The following NCAM1 variants were observed in gnomAD, a reference collection of about 807,000 sequenced individuals.
NCAM1 encodes neural cell adhesion molecule 1.
A neutral mutation model predicts 109.8 loss-of-function variants in NCAM1; 14 were observed. The observed-to-expected ratio is 0.13, with a 90% CI of 0.08 to 0.20. The LOEUF is 0.20. Among genes scored for constraint, NCAM1 ranks in the 10% least tolerant of loss-of-function variants. The probability of loss-of-function intolerance (pLI) is 1.00; values close to 1 mark genes in which losing one functional copy is unlikely to be tolerated. For missense variants in NCAM1, 774 were observed against 1,109.9 expected (o/e 0.70, Z 4.30); for synonymous variants, 418 against 442.9 (o/e 0.94, Z 0.70).
chr11:113,139,961 A>G (rs1941754178), intron 1 of NCAM1, among the ~76,000 whole-genome samples: 1 of 152,234 alleles, frequency 6.6e-6, no homozygotes, highest in African/African-American at 2.4e-5. Flanking sequence ...AACATCTTAG[A>G]GTTAGAAATT....
Position 113,233,422 on chromosome 11 carries a change from C to A in NCAM1, c.1693+105C>A. ...TGTTCCTACAGAATCAGGAACTGCACCTCCAGAATTAGGTCAAAGTCATAT... is the reference window on the plus strand; with the variant it reads ...TGTTCCTACAGAATCAGGAACTGCAACTCCAGAATTAGGTCAAAGTCATAT... On this transcript the variant is annotated intron_variant, in intron 13 of 19. Transcript: ENST00000316851. The surrounding 1 kb of genome is among the most constrained non-coding windows in gnomAD (Gnocchi z 4.5). 8.0e-7 allele frequency: 1 copy of A among 1,244,222 alleles called. No individual in the cohort carries two copies. The highest frequency in any genetic ancestry group is 1.1e-6 in the Non-Finnish European group (1 of 894,636). 77.1% of individuals were successfully genotyped at this position (1,244,222 alleles called of 1,614,324 possible).
intron 17 of NCAM1, chr11:113,263,673 G>A (rs767723581): frequency 2.8e-5 from 28 of 985,472 alleles, no homozygotes; most frequent in East Asian, 1.1e-4. Flanking sequence ...TCTCCCAATC[G>A]GGGTGACTCC....
intron 1 of NCAM1, among the ~76,000 whole-genome samples, chr11:113,095,547 A>G (rs1364329350): frequency 1.3e-5 from 2 of 152,206 alleles, no homozygotes; most frequent in Non-Finnish European, 2.9e-5. Flanking sequence ...GTCCTGAAAC[A>G]TACTAGGGAA....
intron 1 of NCAM1, among the ~76,000 whole-genome samples, chr11:113,072,477 G>A (rs895581739): frequency 2.0e-5 from 3 of 151,918 alleles, no homozygotes; most frequent in African/African-American, 7.3e-5. Flanking sequence ...GTGGTGCTTG[G>A]GATAACTAGA....
rs558642376 is a variant in NCAM1 at position 113,223,117 on chromosome 11, A to G, written c.1089+1792A>G. Among the ~76,000 whole-genome samples, 110 of 152,320 alleles carry G rather than the reference A, an allele frequency of 7.2e-4. 3 individuals are homozygous for G. In the South Asian group the frequency reaches 0.014, roughly 20 times the overall value. On this transcript the variant is annotated intron_variant, in intron 9 of 19. Transcript: ENST00000316851. ...GGAAAAAAGGAGTTTTCTTGCCATCAATATCTTTTCATACTTGCCCAGAGC... is the reference window on the plus strand; with the variant it reads ...GGAAAAAAGGAGTTTTCTTGCCATCGATATCTTTTCATACTTGCCCAGAGC...
intron 1 of NCAM1, among the ~76,000 whole-genome samples, chr11:113,140,999 A>G (rs1245133): frequency 0.3 from 45,904 of 152,076 alleles, 7,685 homozygotes; most frequent in East Asian, 0.58. Flanking sequence ...AGAACTATCC[A>G]TTCTGCTATC....
chr11:113,079,818 T>G (rs553344875), intron 1 of NCAM1, among the ~76,000 whole-genome samples: 1 of 152,208 alleles, frequency 6.6e-6, no homozygotes, highest in African/African-American at 2.4e-5. Flanking sequence ...TTTCCTGTAC[T>G]GGGCAGACAT....
At chr11:113,217,039 C>T (rs1944551518) in intron 8 of NCAM1, among the ~76,000 whole-genome samples, 1 of 152,186 alleles carries the variant, frequency 6.6e-6, no homozygotes, top group African/African-American at 2.4e-5. Flanking sequence ...TTTTTAAAAT[C>T]AGGGTGATAT....
intron 1 of NCAM1, among the ~76,000 whole-genome samples, chr11:113,182,378 T>C (rs1296534996): frequency 6.6e-6 from 1 of 152,204 alleles, no homozygotes; most frequent in Admixed American, 6.5e-5. Flanking sequence ...CTTCCTTCAC[T>C]GTCCTCTGTC....
At chr11:113,009,312 G>GTTTTTTTTTTGTTGTT (rs1951973321) in intron 1 of NCAM1, among the ~76,000 whole-genome samples, 1 of 79,656 alleles carries the variant, frequency 1.3e-5, no homozygotes, top group African/African-American at 4.8e-5. Flanking sequence ...GTTTTTTCGG[G>GTTTTTTTTTTGTTGTT]TTTTTTTTTT....
At chr11:113,027,043 T>C (rs1215290731) in intron 1 of NCAM1, among the ~76,000 whole-genome samples, 2 of 152,184 alleles carry the variant, frequency 1.3e-5, no homozygotes, top group African/African-American at 2.4e-5. Flanking sequence ...ATGAGGCATG[T>C]TCCCTCACTG....
At chr11:113,109,649 G>A (rs11214494) in intron 1 of NCAM1, among the ~76,000 whole-genome samples, 10,902 of 152,192 alleles carry the variant, frequency 0.072, 749 homozygotes, top group Admixed American at 0.17. Context: ...TTGTTGTTCA[G>A]AGAAGATGTA....
chr11:113,243,031 A>G, intron 14 of NCAM1: 1 of 955,350 alleles, frequency 1.0e-6, no homozygotes, highest in Non-Finnish European at 1.2e-6. Flanking sequence ...GAGCAAACCA[A>G]GCATCAGCAA....
chr11:113,159,527 A>G (rs985479835), intron 1 of NCAM1, among the ~76,000 whole-genome samples: 4 of 152,222 alleles, frequency 2.6e-5, no homozygotes, highest in Admixed American at 1.3e-4. Flanking sequence ...ATTGTGAAGA[A>G]AATGAAGTCT....
intron 1 of NCAM1, among the ~76,000 whole-genome samples, chr11:113,079,400 A>G (rs1555086755): frequency 6.6e-6 from 1 of 152,110 alleles, no homozygotes; most frequent in African/African-American, 2.4e-5. Context: ...CACCTCCTCT[A>G]TACCCGTGTT....
intron 1 of NCAM1, among the ~76,000 whole-genome samples, chr11:113,094,677 T>TG (rs2135796517): frequency 6.6e-6 from 1 of 152,268 alleles, no homozygotes; most frequent in Non-Finnish European, 1.5e-5. Context: ...GCCCCCTGTC[T>TG]GGGGTCTATT....
At chr11:113,054,856 A>T (rs1953633835) in intron 1 of NCAM1, among the ~76,000 whole-genome samples, 1 of 152,202 alleles carries the variant, frequency 6.6e-6, no homozygotes, top group Non-Finnish European at 1.5e-5. Context: ...TCAAAGGGGA[A>T]GCATAGCATT....
chr11:113,070,370 T>C (rs1555085075), intron 1 of NCAM1, among the ~76,000 whole-genome samples: 1 of 152,040 alleles, frequency 6.6e-6, no homozygotes, highest in African/African-American at 2.4e-5. Flanking sequence ...AAAGGAAAGA[T>C]GCAGAAACAT....
chr11:113,260,004 C>T (rs1945943175), intron 16 of NCAM1, 142 bp from the exon 17 acceptor site: 2 of 697,288 alleles, frequency 2.9e-6, no homozygotes, highest in Non-Finnish European at 4.6e-6. Flanking sequence ...CGCGCCCACC[C>T]CCATCATTGC....
Sources: allele counts gnomAD v4.1 joint callset (sites outside exome capture counted in the v4.1 genomes callset), GRCh38; gene constraint gnomAD v4.1.1; non-coding constraint Gnocchi (gnomAD v3.1); transcripts MANE v1.5; gene names NCBI Gene and HGNC (gene_info 2026-07-23, HGNC 2026-07-21).